DDR2: variants seen among roughly 807,000 people sequenced by gnomAD.
The protein encoded by DDR2 is discoidin domain receptor tyrosine kinase 2.
A neutral mutation model predicts 94.9 loss-of-function variants in DDR2; 27 were observed. The observed-to-expected ratio is 0.28, with a 90% CI of 0.21 to 0.39. The LOEUF is 0.39. Among genes scored for constraint, DDR2 ranks in the 10% least tolerant of loss-of-function variants. DDR2 has a pLI of 1.00. For synonymous variants in DDR2, 382 were observed against 377.2 expected (o/e 1.01, Z -0.15); for missense variants, 783 against 1,076.0 (o/e 0.73, Z 3.81).
chr1:162,658,242 A>C (rs1273577654), intron 2 of DDR2, among the ~76,000 whole-genome samples: 2 of 152,118 alleles, frequency 1.3e-5, no homozygotes, highest in Non-Finnish European at 2.9e-5. Flanking sequence ...GGGCATGAAG[A>C]CAGGGCAGGC....
At chr1:162,631,136 C>T (rs1315604445), upstream of DDR2, among the ~76,000 whole-genome samples, 1 of 151,300 alleles carries the variant, frequency 6.6e-6, no homozygotes, top group African/African-American at 2.4e-5. Flanking sequence ...CTTTTAGGGA[C>T]TTAACACTGA....
At chr1:162,731,975 A>G (rs911478545) in intron 3 of DDR2, among the ~76,000 whole-genome samples, 3 of 152,176 alleles carry the variant, frequency 2.0e-5, no homozygotes, top group Non-Finnish European at 2.9e-5. Flanking sequence ...TGTTGGGGAA[A>G]GGAGATACTA....
intron 2 of DDR2, among the ~76,000 whole-genome samples, chr1:162,714,245 A>G (rs993481188): frequency 2.6e-5 from 4 of 152,062 alleles, no homozygotes; most frequent in African/African-American, 7.2e-5. Context: ...TATGTTTATG[A>G]TGTCTTTTGG....
rs1226901040 is a variant in DDR2, at chr1:162,737,302, TC to T, written c.83-15787del. Among the ~76,000 whole-genome samples, 8 of 102,862 alleles carry T rather than the reference TC, an allele frequency of 7.8e-5. 2 individuals carry two copies. The Admixed American group carries it at 8.6e-4, about 11-fold the overall frequency. The allele number at this position is 102,862 out of a possible 152,430, so 67.5% of individuals were successfully genotyped here. A position where few individuals can be genotyped will look rare whatever the true frequency, so the allele number is the denominator to read the frequency against. On this transcript the variant is annotated intron_variant, in intron 3 of 17. Coordinates refer to ENST00000367921, the MANE Select transcript of DDR2 (RefSeq NM_006182.4). ...TAGGTATCTCTCCCAATGCTATCCC[TC>T]CCCCCTCCCCCGACCCCACCACAGT...
chr1:162,715,269 G>C (rs974093571), intron 2 of DDR2, among the ~76,000 whole-genome samples: 1 of 152,044 alleles, frequency 6.6e-6, no homozygotes, highest in Non-Finnish European at 1.5e-5. Flanking sequence ...TGTTGGGGGG[G>C]AATACAAATT....
rs75662057 is a variant in DDR2, at chr1:162,742,171, T to G, written c.83-10924T>G. The stretch of plus-strand genomic sequence containing the variant: ...TCTACTGGAGAAATTATACTTTTGA[T>G]AAGAATAGGCAAAGTGATATTACAT... On this transcript the variant is annotated intron_variant, in intron 3 of 17. Coordinates refer to ENST00000367921, the MANE Select transcript of DDR2 (RefSeq NM_006182.4). Among the ~76,000 whole-genome samples the G allele has an allele frequency of 4.3e-4, 65 of 152,374 alleles. 1 individual carries two copies. The East Asian group carries it at 0.013, about 29-fold the overall frequency.
In DDR2 at chr1:162,755,155, G is replaced by A; in HGVS notation, c.418-1G>A. On this transcript the variant is annotated splice_acceptor_variant, in intron 5 of 17. Coordinates refer to ENST00000367921, the MANE Select transcript of DDR2 (RefSeq NM_006182.4). LOFTEE classifies it high-confidence loss of function. The stretch of plus-strand genomic sequence containing the variant: ...TCACTCATTCTCTTCTCTCTCCTCA[G>A]GTGCTGGATGGAAATAGTAACCCCT... 1 of 1,614,110 alleles carries A rather than the reference G, an allele frequency of 6.2e-7. No individual in the cohort carries two copies. Among genetic ancestry groups the A allele is most frequent in the Non-Finnish European group, 8.5e-7 (1 of 1,179,990 alleles).
At chr1:162,740,263 G>C (rs1478244951) in intron 3 of DDR2, among the ~76,000 whole-genome samples, 2 of 152,164 alleles carry the variant, frequency 1.3e-5, no homozygotes, top group African/African-American at 2.4e-5. Flanking sequence ...AGAAATCAGA[G>C]AAAGGAGGCA....
At chr1:162,682,166 G>A (rs561994450) in intron 2 of DDR2, among the ~76,000 whole-genome samples, 4 of 152,256 alleles carry the variant, frequency 2.6e-5, no homozygotes, top group Admixed American at 6.5e-5. Context: ...GGGGGTCCAT[G>A]TTTATCTTGG....
chr1:162,741,096 G>A lies in DDR2; in HGVS notation c.83-11999G>A, dbSNP rs189260861. Reference sequence around the variant, plus strand: ...CTGCCAGTTTCCTCATACAGGATGAGTATCCCTTATCTAAAATGCTTGGGA... The same window carrying A: ...CTGCCAGTTTCCTCATACAGGATGAATATCCCTTATCTAAAATGCTTGGGA... On this transcript the variant is annotated intron_variant, in intron 3 of 17. Coordinates refer to ENST00000367921, the MANE Select transcript of DDR2 (RefSeq NM_006182.4). Among the ~76,000 whole-genome samples, 442 of 151,576 alleles carry A rather than the reference G, an allele frequency of 2.9e-3. 7 individuals are homozygous for A. Among genetic ancestry groups the A allele is most frequent in the Admixed American group, 0.027 (414 of 15,182 alleles).
chr1:162,733,972 T>G (rs1662177890), intron 3 of DDR2, among the ~76,000 whole-genome samples: 1 of 152,234 alleles, frequency 6.6e-6, no homozygotes, highest in African/African-American at 2.4e-5. Context: ...AAATACATAA[T>G]CAAATTGTGC....
intron 3 of DDR2, among the ~76,000 whole-genome samples, chr1:162,727,885 A>G (rs866649562): frequency 1.3e-5 from 2 of 148,972 alleles, no homozygotes; most frequent in Admixed American, 6.7e-5. Context: ...TGTGAGGGCT[A>G]TCTTGCCACA....
intron 3 of DDR2, among the ~76,000 whole-genome samples, chr1:162,745,161 TCTTTGACCA>T (rs754286725): frequency 1.3e-5 from 2 of 152,220 alleles, no homozygotes; most frequent in African/African-American, 2.4e-5. Context: ...CTATTCAACT[TCTTTGACCA>T]CTTTAAAATC....
chr1:162,726,325 T>A (rs1661662903), intron 3 of DDR2, among the ~76,000 whole-genome samples: 1 of 152,170 alleles, frequency 6.6e-6, no homozygotes, highest in African/African-American at 2.4e-5. Context: ...TGTAAAAATA[T>A]TTCATTTTCT....
intron 3 of DDR2, among the ~76,000 whole-genome samples, chr1:162,721,101 T>C (rs890909974): frequency 1.3e-5 from 2 of 152,196 alleles, no homozygotes; most frequent in Non-Finnish European, 2.9e-5. Context: ...TGCCTCCTAC[T>C]ACATTCTTCA....
At chr1:162,707,732 T>C (rs150745028) in intron 2 of DDR2, among the ~76,000 whole-genome samples, 88 of 152,344 alleles carry the variant, frequency 5.8e-4, no homozygotes, top group Non-Finnish European at 1.1e-3. Context: ...AACATACGAT[T>C]GCCACCTCGA....
intron 2 of DDR2, among the ~76,000 whole-genome samples, chr1:162,662,898 C>A (rs1658376183): frequency 6.6e-6 from 1 of 152,012 alleles, no homozygotes; most frequent in Non-Finnish European, 1.5e-5. Flanking sequence ...CGAGGGGGAT[C>A]TGGAGACTTC....
intron 14 of DDR2, among the ~76,000 whole-genome samples, chr1:162,775,002 A>C (rs1413121160): frequency 6.6e-6 from 1 of 152,150 alleles, no homozygotes; most frequent in Non-Finnish European, 1.5e-5. Context: ...TTATGACCCA[A>C]GGGTGTCTGT....
Position 162,710,363 on chromosome 1 carries a change from C to G in DDR2, c.-27-8674C>G, listed in dbSNP as rs184533836. ...GTCATTCTGGGCCTTTGGCTCCACA[C>G]TGAGGGGCTGCATTTTGAGAATCAC... is the stretch of plus-strand genomic sequence containing the variant. On this transcript the variant is annotated intron_variant, in intron 2 of 17. Transcript: ENST00000367921. Among the ~76,000 whole-genome samples the G allele has an allele frequency of 2.6e-4, 40 of 152,218 alleles. 1 individual carries two copies. The East Asian group carries it at 7.5e-3, about 29-fold the overall frequency.
Sources: gnomAD v4.1 joint callset for allele counts (sites outside exome capture counted in the v4.1 genomes callset) on GRCh38, gnomAD v4.1.1 for gene constraint, MANE v1.5 for transcripts, NCBI Gene and HGNC (gene_info 2026-07-23, HGNC 2026-07-21) for gene names.